CFDP1: variants seen among roughly 807,000 people sequenced by gnomAD.
The protein encoded by CFDP1 is heterochromatin-stabilizing protein CFDP1.
CFDP1 carries 31 observed loss-of-function variants against 40.1 expected under a neutral mutation model. The ratio of observed to expected loss-of-function variants is 0.77; its 90% CI spans 0.58 to 1.04. The LOEUF (loss-of-function observed/expected upper bound fraction) is 1.04. Ranked by LOEUF, CFDP1 falls within the 50% of genes least tolerant of loss-of-function variation. The pLI, the probability that CFDP1 is intolerant of heterozygous loss-of-function variation, is 0.00. For missense variants in CFDP1, 423 were observed against 343.4 expected, an observed-to-expected ratio of 1.23 and a Z score of -1.83; for synonymous variants, 167 against 120.0, an observed-to-expected ratio of 1.39 and a Z score of -2.56.
intron 2 of CFDP1, among the ~76,000 whole-genome samples, chr16:75,413,946 T>C (rs1567678825): frequency 6.6e-6 from 1 of 152,170 alleles, no homozygotes; most frequent in Non-Finnish European, 1.5e-5. Flanking sequence ...TTTATACATG[T>C]ATACATTATA....
At chr16:75,347,869 C>T (rs540022566) in intron 5 of CFDP1, among the ~76,000 whole-genome samples, 4 of 152,072 alleles carry the variant, frequency 2.6e-5, no homozygotes, top group East Asian at 1.9e-4. Context: ...TCTCATCATG[C>T]GAAATCACGA....
chr16:75,369,210 T>C (rs1472560966), intron 5 of CFDP1, among the ~76,000 whole-genome samples: 1 of 152,112 alleles, frequency 6.6e-6, no homozygotes, highest in African/African-American at 2.4e-5. Context: ...TCGTCAGGCA[T>C]AGGAGAAATT....
chr16:75,371,324 CATAAT>C (rs917539132), intron 5 of CFDP1, among the ~76,000 whole-genome samples: 6 of 143,600 alleles, frequency 4.2e-5, no homozygotes, highest in African/African-American at 1.3e-4. Flanking sequence ...GTAATGTCAA[CATAAT>C]ATGATACAAT....
rs1365570183 is a variant in CFDP1, at chr16:75,309,752, G to A, written c.651-4570C>T. 2.8e-5 allele frequency among the ~76,000 whole-genome samples: 4 copies of A among 145,374 alleles called. No homozygotes were observed. The East Asian group carries it at 6.1e-4, about 22-fold the overall frequency. On this transcript the variant is annotated intron_variant, in intron 5 of 6. Transcript: ENST00000283882. ...GGAGAATGGCGTGAACCCAGGAGGC[G>A]GAGCTTGCAGTGAGCCAAGATCATG...
intron 5 of CFDP1, among the ~76,000 whole-genome samples, chr16:75,341,697 A>G (rs976220884): frequency 2.0e-5 from 3 of 150,558 alleles, no homozygotes; most frequent in Admixed American, 2.0e-4. Context: ...ATGCTGACAC[A>G]CTTTCCACAG....
At chr16:75,317,335 AGCCCTTCCC>A (rs1272417429) in intron 5 of CFDP1, among the ~76,000 whole-genome samples, 1 of 152,254 alleles carries the variant, frequency 6.6e-6, no homozygotes, top group Non-Finnish European at 1.5e-5. Context: ...ATAATGCTGC[AGCCCTTCCC>A]GCCTCTGCTC....
At chr16:75,318,051 G>A (rs563435471) in intron 5 of CFDP1, among the ~76,000 whole-genome samples, 1 of 152,212 alleles carries the variant, frequency 6.6e-6, no homozygotes, top group African/African-American at 2.4e-5. Context: ...AACTTGGGAG[G>A]CAGAGGTTGC....
intron 4 of CFDP1, among the ~76,000 whole-genome samples, chr16:75,399,830 GGTGGCTCACGCCT>G (rs1337037932): frequency 6.6e-6 from 1 of 151,974 alleles, no homozygotes; most frequent in Non-Finnish European, 1.5e-5. Flanking sequence ...GGCTGGGCGT[GGTGGCTCACGCCT>G]GTAACCCCAG....
At chr16:75,395,615 C>T (rs549592387) in intron 4 of CFDP1, among the ~76,000 whole-genome samples, 34 of 152,106 alleles carry the variant, frequency 2.2e-4, no homozygotes, top group Non-Finnish European at 4.4e-4. Flanking sequence ...GCCGAGATCA[C>T]GCCATTGCAC....
At chr16:75,404,370 C>T (rs1348475130) in intron 4 of CFDP1, among the ~76,000 whole-genome samples, 4 of 151,474 alleles carry the variant, frequency 2.6e-5, no homozygotes, top group African/African-American at 7.3e-5. Flanking sequence ...TACAGGCACC[C>T]GCCACTGCAC....
intron 5 of CFDP1, among the ~76,000 whole-genome samples, chr16:75,338,442 G>C (rs1251881914): frequency 6.6e-6 from 1 of 152,192 alleles, no homozygotes; most frequent in Non-Finnish European, 1.5e-5. Flanking sequence ...GGAATGTTCA[G>C]GGCAGAGTAC....
chr16:75,401,169 A>C (rs1287343749), intron 4 of CFDP1, among the ~76,000 whole-genome samples: 3 of 150,906 alleles, frequency 2.0e-5, no homozygotes, highest in Non-Finnish European at 3.0e-5. Context: ...TGGCTCACGC[A>C]TGTAATCCCA....
intron 5 of CFDP1, among the ~76,000 whole-genome samples, chr16:75,332,791 T>G (rs1446019593): frequency 6.6e-6 from 1 of 151,244 alleles, no homozygotes; most frequent in East Asian, 1.9e-4. Context: ...GCTTGCCTAT[T>G]CATGTTCTTT....
At chr16:75,383,833 A>AAG (rs1385504206) in intron 5 of CFDP1, among the ~76,000 whole-genome samples, 1 of 151,396 alleles carries the variant, frequency 6.6e-6, no homozygotes, top group Non-Finnish European at 1.5e-5. Context: ...AAAAAAAAAA[A>AAG]AAAAGATACA....
In CFDP1 at chr16:75,370,231, T is replaced by C. The variant is rs191746481; in HGVS notation, c.650+24859A>G. Among the ~76,000 whole-genome samples, 4 of 152,006 alleles carry C rather than the reference T, an allele frequency of 2.6e-5. No individual in the cohort carries two copies. The East Asian group carries it at 7.8e-4, about 30-fold the overall frequency. The stretch of plus-strand genomic sequence containing the variant: ...CCTTGGCCTCCCAAGTAACTGGGAT[T>C]ACAGGTGCCTGCCACCACACCCAGC... On this transcript the variant is annotated intron_variant, in intron 5 of 6. Transcript: ENST00000283882.
intron 1 of CFDP1, among the ~76,000 whole-genome samples, chr16:75,430,852 C>A (rs2079404665): frequency 6.6e-6 from 1 of 152,176 alleles, no homozygotes; most frequent in Non-Finnish European, 1.5e-5. Flanking sequence ...GACTTAAAGT[C>A]TGCATCGATG....
chr16:75,298,451 T>C (rs182548039), intron 6 of CFDP1, among the ~76,000 whole-genome samples: 1 of 152,160 alleles, frequency 6.6e-6, no homozygotes, highest in East Asian at 1.9e-4. Context: ...AGGCAGTCAC[T>C]GAGGACACTC....
intron 3 of CFDP1, 126 bp from the exon 4 acceptor site, chr16:75,412,078 C>G (rs1052949425): frequency 5.0e-6 from 5 of 993,970 alleles, no homozygotes; most frequent in Non-Finnish European, 7.1e-6. Flanking sequence ...TGCAGTAACA[C>G]AATCTTGGCT....
At chr16:75,310,785 T>TGA (rs1306806204) in intron 5 of CFDP1, among the ~76,000 whole-genome samples, 25 of 152,336 alleles carry the variant, frequency 1.6e-4, no homozygotes, top group Admixed American at 1.4e-3. Flanking sequence ...GTGGAAAGGC[T>TGA]GACAGGGCTT....
Sources: allele counts gnomAD v4.1 joint callset (sites outside exome capture counted in the v4.1 genomes callset), GRCh38; gene constraint gnomAD v4.1.1; transcripts MANE v1.5; gene names NCBI Gene and HGNC (gene_info 2026-07-23, HGNC 2026-07-21).